OTUD3: variants seen among roughly 807,000 people sequenced by gnomAD.
OTUD3 encodes OTU deubiquitinase 3.
A neutral mutation model predicts 46.2 loss-of-function variants in OTUD3; 24 were observed. The ratio of observed to expected loss-of-function variants is 0.52; its 90% CI spans 0.38 to 0.73. OTUD3 has a LOEUF of 0.73. Among genes scored for constraint, OTUD3 ranks in the 30% least tolerant of loss-of-function variants. The pLI is 0.00. For synonymous variants in OTUD3, 189 were observed against 195.4 expected (o/e 0.97, Z 0.27); for missense variants, 455 against 523.3 (o/e 0.87, Z 1.27).
chr1:19,912,815 T>G lies in OTUD3; in HGVS notation c.*5069T>G, dbSNP rs1409164346. On this transcript the variant is annotated 3_prime_UTR_variant, in exon 8 of 8. Transcript: ENST00000375120. ...TACTGTACTTGGCTATTTGCAGTGT[T>G]TTCAAAACCAAATGTTTCTTTTTTT... 1.3e-5 allele frequency: 2 copies of G among 152,388 alleles called. No individual in the cohort carries two copies. The highest frequency in any genetic ancestry group is 2.9e-5 in the Non-Finnish European group (2 of 68,042). 9.4% of individuals were successfully genotyped at this position (152,388 alleles called of 1,614,324 possible).
At chr1:19,891,156 A>T (rs955150100) in intron 2 of OTUD3, among the ~76,000 whole-genome samples, 1 of 152,228 alleles carries the variant, frequency 6.6e-6, no homozygotes, top group Admixed American at 6.5e-5. Context: ...CAATAAAATC[A>T]TGTTAATTTC....
At chr1:19,906,716 T>C (rs1344829885) in intron 7 of OTUD3, 100 bp downstream of exon 7, 2 of 1,130,066 alleles carry the variant, frequency 1.8e-6, no homozygotes, top group East Asian at 5.2e-5. Context: ...TCCTTCTGAT[T>C]TATAAAAGTA....
intron 5 of OTUD3, 80 bp downstream of exon 5, chr1:19,904,478 C>T: frequency 7.3e-7 from 1 of 1,361,984 alleles, no homozygotes; most frequent in Non-Finnish European, 1.0e-6. Flanking sequence ...CGTAGCACCT[C>T]TCTAGCATAT....
intron 1 of OTUD3, among the ~76,000 whole-genome samples, chr1:19,884,216 CTGCTATA>C (rs2045322683): frequency 6.6e-6 from 1 of 152,094 alleles, no homozygotes; most frequent in African/African-American, 2.4e-5. Context: ...TTGCTTGTGT[CTGCTATA>C]CTGGGTATGG....
intron 1 of OTUD3, among the ~76,000 whole-genome samples, chr1:19,888,685 G>T (rs1417810644): frequency 6.6e-6 from 1 of 152,196 alleles, no homozygotes; most frequent in Admixed American, 6.5e-5. Context: ...TCCCCTGAGG[G>T]ATGGTAATAG....
At chr1:19,901,205 C>T (rs931719026) in intron 4 of OTUD3, among the ~76,000 whole-genome samples, 6 of 151,946 alleles carry the variant, frequency 3.9e-5, no homozygotes, top group Admixed American at 2.0e-4. Context: ...CCACCGTGCC[C>T]GGCCCTATTG....
At chr1:19,898,013 G>A (rs1391407866) in intron 4 of OTUD3, among the ~76,000 whole-genome samples, 4 of 150,756 alleles carry the variant, frequency 2.7e-5, no homozygotes, top group East Asian at 3.9e-4. Flanking sequence ...GCAGTGGTGC[G>A]ATCTCGGCTC....
intron 2 of OTUD3, among the ~76,000 whole-genome samples, chr1:19,890,882 T>C (rs2045436904): frequency 6.6e-6 from 1 of 152,218 alleles, no homozygotes; most frequent in Non-Finnish European, 1.5e-5. Flanking sequence ...TCTGGAAAGA[T>C]ACTAACATTT....
rs1247632431 is a variant in OTUD3, at chr1:19,910,088, T to C, written c.*2342T>C. 6.6e-6 allele frequency: 1 copy of C among 152,388 alleles called. No individual in the cohort carries two copies. Among genetic ancestry groups the C allele is most frequent in the African/African-American group, 2.4e-5 (1 of 41,464 alleles). 9.4% of individuals were successfully genotyped at this position (152,388 alleles called of 1,614,324 possible). Reference sequence around the variant, plus strand: ...CATGAGAAGGTTGGAATCAACATGCTTAGTTGCCTCAGTGGGCACTTGAAA... The same window carrying C: ...CATGAGAAGGTTGGAATCAACATGCCTAGTTGCCTCAGTGGGCACTTGAAA... On this transcript the variant is annotated 3_prime_UTR_variant, in exon 8 of 8. Transcript: ENST00000375120.
intron 4 of OTUD3, 139 bp downstream of exon 4, chr1:19,897,801 T>C (rs1251412349): frequency 1.2e-6 from 1 of 844,026 alleles, no homozygotes; most frequent in Non-Finnish European, 1.8e-6. Flanking sequence ...TTTAAAAATA[T>C]TTTTTATTTC....
chr1:19,903,241 G>C (rs1006443755), intron 4 of OTUD3, among the ~76,000 whole-genome samples: 1 of 151,566 alleles, frequency 6.6e-6, no homozygotes, highest in Admixed American at 6.6e-5. Context: ...TTGTAGAGAC[G>C]GGATGTCACT....
intron 4 of OTUD3, among the ~76,000 whole-genome samples, chr1:19,901,412 A>G (rs2045587733): frequency 6.6e-6 from 1 of 152,086 alleles, no homozygotes; most frequent in Non-Finnish European, 1.5e-5. Context: ...TTGTAAAGAG[A>G]TCTTTTATGT....
At chr1:19,906,722 AAGT>A (rs2045667013) in intron 7 of OTUD3, 106 bp downstream of exon 7, 1 of 1,085,664 alleles carries the variant, frequency 9.2e-7, no homozygotes, top group East Asian at 2.6e-5. Flanking sequence ...TGATTTATAA[AAGT>A]AGTGTGGAAA....
intron 3 of OTUD3, among the ~76,000 whole-genome samples, chr1:19,895,915 A>T (rs1375161760): frequency 6.6e-6 from 1 of 152,150 alleles, no homozygotes; most frequent in Non-Finnish European, 1.5e-5. Flanking sequence ...TCCTCCATTG[A>T]TGACTTTTTT....
rs1252001611 is a variant in OTUD3, at chr1:19,912,606, A to T, written c.*4860A>T. ...ATTGCACTATACTTGTTCTAGCTTC[A>T]GTCTGGAGATACTTAAGACCTCCAT... On this transcript the variant is annotated 3_prime_UTR_variant, in exon 8 of 8. Transcript: ENST00000375120. 6.6e-6 allele frequency: 1 copy of T among 152,384 alleles called. No individual in the cohort carries two copies. The highest frequency in any genetic ancestry group is 1.5e-5 in the Non-Finnish European group (1 of 68,058). 9.4% of individuals were successfully genotyped at this position (152,384 alleles called of 1,614,324 possible).
At chr1:19,904,231 CAACA>C in intron 4 of OTUD3, 32 bp from the exon 5 acceptor site, 1 of 1,523,236 alleles carries the variant, frequency 6.6e-7, no homozygotes, top group Non-Finnish European at 8.9e-7. Context: ...GTTTGATTCT[CAACA>C]TAGTTCCCTG....
chr1:19,902,237 C>T lies in OTUD3; in HGVS notation c.607-2030C>T, dbSNP rs1273198758. On this transcript the variant is annotated intron_variant, in intron 4 of 7. Coordinates refer to ENST00000375120, the MANE Select transcript of OTUD3 (RefSeq NM_015207.2). ...AGTTTTTTTTCGAGACGGAGTCTTG[C>T]TCTGTCGCCCAGGCTGGAGTGCAGC... Among the ~76,000 whole-genome samples, 4 of 152,290 alleles carry T rather than the reference C, an allele frequency of 2.6e-5. No individual in the cohort carries two copies. The East Asian group carries it at 7.7e-4, about 29-fold the overall frequency.
chr1:19,883,757 A>T (rs1042242773), intron 1 of OTUD3, among the ~76,000 whole-genome samples: 1 of 152,200 alleles, frequency 6.6e-6, no homozygotes, highest in East Asian at 1.9e-4. Context: ...CCTAGATTAC[A>T]GGCATGAGCT....
At chr1:19,899,358 A>G (rs1413937699) in intron 4 of OTUD3, among the ~76,000 whole-genome samples, 9 of 152,222 alleles carry the variant, frequency 5.9e-5, no homozygotes, top group African/African-American at 2.2e-4. Flanking sequence ...AGCATCCTAC[A>G]CATACTACAC....
Sources: allele counts gnomAD v4.1 joint callset (sites outside exome capture counted in the v4.1 genomes callset), GRCh38; gene constraint gnomAD v4.1.1; transcripts MANE v1.5; gene names NCBI Gene and HGNC (gene_info 2026-07-23, HGNC 2026-07-21).